AGL: variants seen among roughly 807,000 people sequenced by gnomAD.
AGL encodes glycogen debranching enzyme.
A neutral mutation model predicts 199.3 loss-of-function variants in AGL; 128 were observed. That is an observed-to-expected ratio of 0.64 (90% CI 0.56 to 0.74). AGL has a LOEUF of 0.74. Among genes scored for constraint, AGL ranks in the 30% least tolerant of loss-of-function variants. The probability of loss-of-function intolerance (pLI) is 0.00; values close to 1 mark genes in which losing one functional copy is unlikely to be tolerated. For missense variants in AGL, 1,809 were observed against 1,820.8 expected (o/e 0.99, Z 0.12); for synonymous variants, 584 against 594.7 (o/e 0.98, Z 0.26).
At position 99,861,651 on chromosome 1, in the gene AGL, T is replaced by C. The variant is rs1650046839; in HGVS notation, c.231T>C (p.Ser77=). 6.2e-7 allele frequency: 1 copy of C among 1,613,380 alleles called. No individual in the cohort carries two copies. Among genetic ancestry groups the C allele is most frequent in the African/African-American group, 1.3e-5 (1 of 74,916 alleles). Residue 77 remains serine (S), a synonymous_variant, in exon 3 of 34, where the codon TCT becomes TCC. Coordinates refer to ENST00000361915, the MANE Select transcript of AGL (RefSeq NM_000642.3). ...ATCCAACAGAAAGAGAAGATGATTC[T>C]GATAAATACTGTAAACTTAATCTGC... ...WENPTEREDD[S]DKYCKLNLQQ...
In AGL at chr1:99,902,008, T is replaced by A. The variant is rs190457821; in HGVS notation, c.3589-675T>A. 3.0e-3 allele frequency among the ~76,000 whole-genome samples: 456 copies of A among 152,172 alleles called. 3 individuals are homozygous for A. Among genetic ancestry groups the A allele is most frequent in the Non-Finnish European group, 5.2e-3 (355 of 68,000 alleles). ...CAAAAATATTCACAGCATTATAATT[T>A]TTATAATTAATAGTAGAATTTTTAT... is the stretch of plus-strand genomic sequence containing the variant. On this transcript the variant is annotated intron_variant, in intron 26 of 33. Transcript: ENST00000361915.
chr1:99,899,471 TTA>T (rs1653619992), intron 25 of AGL, among the ~76,000 whole-genome samples: 1 of 152,068 alleles, frequency 6.6e-6, no homozygotes, highest in Non-Finnish European at 1.5e-5. Context: ...ACTGGTTGAA[TTA>T]TGTTTTTCAA....
intron 4 of AGL, among the ~76,000 whole-genome samples, chr1:99,864,021 A>G (rs1392032816): frequency 1.3e-5 from 2 of 152,202 alleles, no homozygotes; most frequent in Non-Finnish European, 2.9e-5. Flanking sequence ...CTAAAACAGA[A>G]TACAAGTACT....
rs530636670 is a variant in AGL, at chr1:99,871,406, A to G, written c.958+537A>G. Among the ~76,000 whole-genome samples, 7 of 58,732 alleles carry G rather than the reference A, an allele frequency of 1.2e-4. No homozygotes were observed. In the South Asian group the frequency reaches 4.7e-3, roughly 39 times the overall value. 38.5% of individuals were successfully genotyped at this position (58,732 alleles called of 152,430 possible). A position where few individuals can be genotyped will look rare whatever the true frequency, so the allele number is the denominator to read the frequency against. ...AAGGACATAACTAATCAAGCAGTTA[A>G]TGTGCCCCCCCCCCCCCAACAAAAT... On this transcript the variant is annotated intron_variant, in intron 7 of 33. Coordinates refer to ENST00000361915, the MANE Select transcript of AGL (RefSeq NM_000642.3).
intron 2 of AGL, among the ~76,000 whole-genome samples, chr1:99,853,961 A>G (rs1005171274): frequency 6.6e-6 from 1 of 152,018 alleles, no homozygotes; most frequent in Non-Finnish European, 1.5e-5. Context: ...AGGCCGAGGC[A>G]TGTGGGTCAC....
At chr1:99,869,250 C>G (rs1478485832) in intron 5 of AGL, among the ~76,000 whole-genome samples, 3 of 152,116 alleles carry the variant, frequency 2.0e-5, no homozygotes, top group Non-Finnish European at 4.4e-5. Context: ...CTACTTAATG[C>G]AAGTTTTGAG....
rs545103312 is a variant in AGL at position 99,910,635 on chromosome 1, G to A, written c.3701-77G>A. The A allele has an allele frequency of 9.2e-4, 699 of 758,898 alleles. 6 individuals are homozygous for A. The African/African-American group carries it at 0.013, about 14-fold the overall frequency. 47.0% of individuals were successfully genotyped at this position (758,898 alleles called of 1,614,324 possible). The stretch of plus-strand genomic sequence containing the variant: ...CCTAGTTTATTATATTTAAAATTTT[G>A]TAAATGTTTTAAAATATTTGTATAT... On this transcript the variant is annotated intron_variant, in intron 27 of 33. Coordinates refer to ENST00000361915, the MANE Select transcript of AGL (RefSeq NM_000642.3).
chr1:99,879,315 G>A (rs577250650), intron 12 of AGL, among the ~76,000 whole-genome samples: 6 of 152,104 alleles, frequency 3.9e-5, no homozygotes. Context: ...GCCCAGGCAC[G>A]GTGGCTCACG....
rs527774411 is a variant in AGL at position 99,876,703 on chromosome 1, T to A, written c.1423+106T>A. 2.9e-5 allele frequency: 39 copies of A among 1,335,112 alleles called. No homozygotes were observed. The African/African-American group carries it at 5.1e-4, about 17-fold the overall frequency. The allele number at this position is 1,335,112 out of a possible 1,614,324, so 82.7% of individuals were successfully genotyped here. ...TCTTCCCCATTAGTCTATTGGTTTT[T>A]AAATATTTCACCATAAAGGTACCAG... is the stretch of plus-strand genomic sequence containing the variant. On this transcript the variant is annotated intron_variant, in intron 11 of 33. Coordinates refer to ENST00000361915, the MANE Select transcript of AGL (RefSeq NM_000642.3).
rs764229691 is a variant in AGL, at chr1:99,884,495, A to T, written c.2546+44A>T. The T allele has an allele frequency of 3.7e-6, 6 of 1,601,272 alleles. No individual in the cohort carries two copies. The African/African-American group carries it at 5.4e-5, about 14-fold the overall frequency. ...AACTGTTGACTTTACTTATATTTAA[A>T]ATAGTTTGCATATCCTGTTAAATTT... On this transcript the variant is annotated intron_variant, in intron 19 of 33. Coordinates refer to ENST00000361915, the MANE Select transcript of AGL (RefSeq NM_000642.3).
intron 21 of AGL, among the ~76,000 whole-genome samples, 157 bp from the exon 22 acceptor site, chr1:99,891,063 A>G (rs1386975477): frequency 2.0e-5 from 3 of 152,130 alleles, no homozygotes; most frequent in Non-Finnish European, 4.4e-5. Flanking sequence ...CTCCAACTGT[A>G]TTAAGCAGTG....
chr1:99,891,291 T>A lies in AGL; in HGVS notation c.2884T>A (p.Ser962Thr), dbSNP rs1000217312. 1.2e-6 allele frequency: 2 copies of A among 1,613,628 alleles called. No individual in the cohort carries two copies. The highest frequency in any genetic ancestry group is 1.1e-5 in the South Asian group (1 of 91,076). ...LGHPFCNNLR[S>T]GDWMIDYVSN... Reference sequence around the variant, plus strand: ...GCATCCTTTTTGTAATAATTTGAGATCTGGAGATTGGATGATTGACTATGT... The same window carrying A: ...GCATCCTTTTTGTAATAATTTGAGAACTGGAGATTGGATGATTGACTATGT... The change falls in exon 22 of 34, where the codon TCT becomes ACT. Residue 962 changes from serine (S) to threonine (T), a missense_variant. Coordinates refer to ENST00000361915, the MANE Select transcript of AGL (RefSeq NM_000642.3).
At chr1:99,881,220 C>G in intron 15 of AGL, 43 bp downstream of exon 15, 1 of 1,612,598 alleles carries the variant, frequency 6.2e-7, no homozygotes, top group Non-Finnish European at 8.5e-7. Flanking sequence ...TGGCCAACAA[C>G]TTTGGGCATT....
Position 99,870,554 on chromosome 1 carries a change from T to C in AGL, c.819T>C (p.Ala273=). The change falls in exon 6 of 34, where the codon GCT becomes GCC. Residue 273 remains alanine (A), a synonymous_variant. Transcript: ENST00000361915. ...EGKYKEKGIP[A]LIENDHHMNS... ...AATACAAAGAAAAGGGAATACCTGC[T>C]TTGATTGAAAATGATCACCATATGA... 6.2e-7 allele frequency: 1 copy of C among 1,614,074 alleles called. No homozygotes were observed. The highest frequency in any genetic ancestry group is 8.5e-7 in the Non-Finnish European group (1 of 1,179,964).
chr1:99,889,047 G>A (rs140549328), intron 21 of AGL, among the ~76,000 whole-genome samples: 1,930 of 151,840 alleles, frequency 0.013, 24 homozygotes, highest in Middle Eastern at 0.088. Flanking sequence ...GGGTTACATT[G>A]ACTAGTTTTA....
In AGL at chr1:99,922,625, T is replaced by G. The variant is rs1392844668; in HGVS notation, c.*974T>G. On this transcript the variant is annotated 3_prime_UTR_variant, in exon 34 of 34. Coordinates refer to ENST00000361915, the MANE Select transcript of AGL (RefSeq NM_000642.3). ...GGAAGTTTTTCATGATAACTTATTTTAAGATGCCTTAAAAATCTTAAAGTC... is the reference window on the plus strand; with the variant it reads ...GGAAGTTTTTCATGATAACTTATTTGAAGATGCCTTAAAAATCTTAAAGTC... 2.6e-5 allele frequency: 4 copies of G among 151,924 alleles called. No individual in the cohort carries two copies. The highest frequency in any genetic ancestry group is 5.9e-5 in the Non-Finnish European group (4 of 67,866). 9.4% of individuals were successfully genotyped at this position (151,924 alleles called of 1,614,324 possible).
At chr1:99,883,148 TA>T (rs1652185701) in intron 17 of AGL, among the ~76,000 whole-genome samples, 2 of 152,180 alleles carry the variant, frequency 1.3e-5, no homozygotes, top group South Asian at 4.1e-4. Flanking sequence ...GTAGTGTTAC[TA>T]AGTGTTAAAT....
At chr1:99,892,975 C>T (rs971172638) in intron 24 of AGL, among the ~76,000 whole-genome samples, 1 of 151,782 alleles carries the variant, frequency 6.6e-6, no homozygotes, top group Non-Finnish European at 1.5e-5. Flanking sequence ...TGTAAGGGTC[C>T]CTATAAATTA....
At chr1:99,850,759 T>C (rs1476939555) in intron 1 of AGL, 2 of 416,676 alleles carry the variant, frequency 4.8e-6, no homozygotes, top group East Asian at 5.0e-5. Flanking sequence ...TAAGAATCTG[T>C]AATACAGCAT....
Sources: gnomAD v4.1 joint callset for allele counts (sites outside exome capture counted in the v4.1 genomes callset) on GRCh38, gnomAD v4.1.1 for gene constraint, MANE v1.5 for transcripts, NCBI Gene and HGNC (gene_info 2026-07-23, HGNC 2026-07-21) for gene names.